The following SPACA4 variants were observed in gnomAD, a reference collection of about 807,000 sequenced individuals.
The protein encoded by SPACA4 is sperm acrosome membrane-associated protein 4.
For synonymous variants in SPACA4, 63 were observed against 77.5 expected, an observed-to-expected ratio of 0.81 and a Z score of 0.98; for missense variants, 130 against 169.4, an observed-to-expected ratio of 0.77 and a Z score of 1.29.
At position 48,607,679 on chromosome 19, in the gene SPACA4, T is replaced by G; in HGVS notation, c.*326T>G. 1 of 298,574 alleles carries G rather than the reference T, an allele frequency of 3.3e-6. No individual in the cohort carries two copies. The highest frequency in any genetic ancestry group is 1.2e-4 in the South Asian group (1 of 8,622). The allele number at this position is 298,574 out of a possible 1,614,324, so 18.5% of individuals were successfully genotyped here. On this transcript the variant is annotated 3_prime_UTR_variant, in exon 1 of 1. Coordinates refer to ENST00000321762, the MANE Select transcript of SPACA4 (RefSeq NM_133498.3). ...TCCATGAAATATGGTAAAAAATATA[T>G]ATATATCATAATAAATGACAGCTGA...
In SPACA4 at chr19:48,607,665, T is replaced by G; in HGVS notation, c.*312T>G. 2.7e-6 allele frequency: 1 copy of G among 364,150 alleles called. No homozygotes were observed. Among genetic ancestry groups the G allele is most frequent in the Non-Finnish European group, 5.1e-6 (1 of 194,988 alleles). 22.6% of individuals were successfully genotyped at this position (364,150 alleles called of 1,614,324 possible). Reference sequence around the variant, plus strand: ...GTAGCACTTTAGAGTCCATGAAATATGGTAAAAAATATATATATATCATAA... The same window carrying G: ...GTAGCACTTTAGAGTCCATGAAATAGGGTAAAAAATATATATATATCATAA... On this transcript the variant is annotated 3_prime_UTR_variant, in exon 1 of 1. Transcript: ENST00000321762.
chr19:48,607,359 A>G lies in SPACA4; in HGVS notation c.*6A>G. On this transcript the variant is annotated 3_prime_UTR_variant, in exon 1 of 1. Coordinates refer to ENST00000321762, the MANE Select transcript of SPACA4 (RefSeq NM_133498.3). ...TTCCTCCACGTTTGCTGTGACCAAC[A>G]GGGAGGACAGGGCCTGGGACTGTTC... 1 of 1,576,320 alleles carries G rather than the reference A, an allele frequency of 6.3e-7. No individual in the cohort carries two copies.
In SPACA4 at chr19:48,607,168, G is replaced by C; in HGVS notation, c.190G>C (p.Gly64Arg). 6.2e-7 allele frequency: 1 copy of C among 1,613,020 alleles called. No individual in the cohort carries two copies. Among genetic ancestry groups the C allele is most frequent in the Non-Finnish European group, 8.5e-7 (1 of 1,180,010 alleles). ...APGTGPVINK[G>R]CLRATSCGLE... ...GGGCACTGGTCCGGTCATCAACAAA[G>C]GCTGCCTGCGAGCCACCAGCTGCGG... is the stretch of plus-strand genomic sequence containing the variant. The change falls in exon 1 of 1, where the codon GGC (glycine) becomes CGC (arginine). Residue 64 changes from glycine to arginine, a missense_variant. Coordinates refer to ENST00000321762, the MANE Select transcript of SPACA4 (RefSeq NM_133498.3).
chr19:48,607,470 C>T lies in SPACA4; in HGVS notation c.*117C>T. On this transcript the variant is annotated 3_prime_UTR_variant, in exon 1 of 1. Coordinates refer to ENST00000321762, the MANE Select transcript of SPACA4 (RefSeq NM_133498.3). The stretch of plus-strand genomic sequence containing the variant: ...CCTGGACAACCTCTTGCGGCCCTGG[C>T]TTCATCCCTTCTAAGGCTGTCCACC... 1 of 1,350,266 alleles carries T rather than the reference C, an allele frequency of 7.4e-7. No homozygotes were observed. Among genetic ancestry groups the T allele is most frequent in the Non-Finnish European group, 1.0e-6 (1 of 999,990 alleles). The allele number at this position is 1,350,266 out of a possible 1,614,324, so 83.6% of individuals were successfully genotyped here.
rs981087999 is a variant in SPACA4, at chr19:48,607,587, G to A, written c.*234G>A. Reference sequence around the variant, plus strand: ...TTTGATTGTATTACTCTGTTCCACTGGTTCTAAGACGCAGAGCTTCTCACA... The same window carrying A: ...TTTGATTGTATTACTCTGTTCCACTAGTTCTAAGACGCAGAGCTTCTCACA... On this transcript the variant is annotated 3_prime_UTR_variant, in exon 1 of 1. Coordinates refer to ENST00000321762, the MANE Select transcript of SPACA4 (RefSeq NM_133498.3). 1.6e-5 allele frequency: 9 copies of A among 570,432 alleles called. No individual in the cohort carries two copies. The highest frequency in any genetic ancestry group is 1.5e-4 in the African/African-American group (8 of 53,532). The allele number at this position is 570,432 out of a possible 1,614,324, so 35.3% of individuals were successfully genotyped here. A position where few individuals can be genotyped will look rare whatever the true frequency, so the allele number is the denominator to read the frequency against.
chr19:48,607,324 G>C lies in SPACA4; in HGVS notation c.346G>C (p.Gly116Arg). Residue 116 changes from glycine (G) to arginine (R), a missense_variant, in exon 1 of 1, where the codon GGT (glycine) becomes CGT (arginine). By Grantham distance (125) the Gly-to-Arg change is moderately radical. Coordinates refer to ENST00000321762, the MANE Select transcript of SPACA4 (RefSeq NM_133498.3). ...CACCACCAGCCTGGCACTGGGGCTG[G>C]GTATGCTGCTTCCTCCACGTTTGCT... is the stretch of plus-strand genomic sequence containing the variant. ...GATTSLALGL[G>R]MLLPPRLL The C allele has an allele frequency of 1.9e-6, 3 of 1,595,120 alleles. No individual in the cohort carries two copies. Among genetic ancestry groups the C allele is most frequent in the Non-Finnish European group, 2.6e-6 (3 of 1,170,348 alleles).
Position 48,607,029 on chromosome 19 carries a change from G to C in SPACA4, c.51G>C (p.Thr17=), listed in dbSNP as rs1568419730. The C allele has an allele frequency of 1.9e-6, 3 of 1,611,738 alleles. No individual in the cohort carries two copies. The highest frequency in any genetic ancestry group is 1.1e-5 in the South Asian group (1 of 91,086). The stretch of plus-strand genomic sequence containing the variant: ...TGGTGATGGCTCTGCCCCCAGGCAC[G>C]ACGGGCGTCAAGGACTGCGTCTTCT... ...LLLVMALPPG[T]TGVKDCVFCE... The change falls in exon 1 of 1, where the codon ACG becomes ACC. Residue 17 remains threonine (T), a synonymous_variant. Coordinates refer to ENST00000321762, the MANE Select transcript of SPACA4 (RefSeq NM_133498.3).
At position 48,607,384 on chromosome 19, in the gene SPACA4, C is replaced by A; in HGVS notation, c.*31C>A. 1 of 1,539,318 alleles carries A rather than the reference C, an allele frequency of 6.5e-7. No individual in the cohort carries two copies. Among genetic ancestry groups the A allele is most frequent in the African/African-American group, 1.4e-5 (1 of 73,442 alleles). On this transcript the variant is annotated 3_prime_UTR_variant, in exon 1 of 1. Coordinates refer to ENST00000321762, the MANE Select transcript of SPACA4 (RefSeq NM_133498.3). Reference sequence around the variant, plus strand: ...AGGGAGGACAGGGCCTGGGACTGTTCTCCCAGATCCGCCACTCCCCATGTC... The same window carrying A: ...AGGGAGGACAGGGCCTGGGACTGTTATCCCAGATCCGCCACTCCCCATGTC...
Position 48,606,795 on chromosome 19 carries a change from A to T in SPACA4, c.-184A>T, listed in dbSNP as rs944233158. 3.7e-5 allele frequency: 25 copies of T among 679,960 alleles called. No individual in the cohort carries two copies. In the African/African-American group the frequency reaches 4.0e-4, roughly 11 times the overall value. The allele number at this position is 679,960 out of a possible 1,614,324, so 42.1% of individuals were successfully genotyped here. On this transcript the variant is annotated 5_prime_UTR_variant, in exon 1 of 1. Coordinates refer to ENST00000321762, the MANE Select transcript of SPACA4 (RefSeq NM_133498.3). ...CAGCCACCCGCTCACCTCCATCCCC[A>T]GGACTTAGAGGGACGCAGGGCGTTG...
In SPACA4 at chr19:48,606,920, C is replaced by T; in HGVS notation, c.-59C>T. 1 of 1,569,894 alleles carries T rather than the reference C, an allele frequency of 6.4e-7. No individual in the cohort carries two copies. The highest frequency in any genetic ancestry group is 8.6e-7 in the Non-Finnish European group (1 of 1,164,404). On this transcript the variant is annotated 5_prime_UTR_variant, in exon 1 of 1. Transcript: ENST00000321762. ...CTCAGAGGTCCTTCATTCAGCGGTTCCGGGAGGTCTGGGAAGCCCACGGCC... is the reference window on the plus strand; with the variant it reads ...CTCAGAGGTCCTTCATTCAGCGGTTTCGGGAGGTCTGGGAAGCCCACGGCC...
In SPACA4 at chr19:48,606,968, G is replaced by T; in HGVS notation, c.-11G>T. On this transcript the variant is annotated 5_prime_UTR_variant, in exon 1 of 1. Transcript: ENST00000321762. Reference sequence around the variant, plus strand: ...GCCTGGCTGGGGCAGGGTCAACGCCGCCAGGCCGCCATGGTCCTGTGCTGG... The same window carrying T: ...GCCTGGCTGGGGCAGGGTCAACGCCTCCAGGCCGCCATGGTCCTGTGCTGG... 1 of 1,600,766 alleles carries T rather than the reference G, an allele frequency of 6.2e-7. No individual in the cohort carries two copies. Among genetic ancestry groups the T allele is most frequent in the Non-Finnish European group, 8.5e-7 (1 of 1,177,872 alleles).
At position 48,607,130 on chromosome 19, in the gene SPACA4, A is replaced by C; in HGVS notation, c.152A>C (p.His51Pro). The change falls in exon 1 of 1, where the codon CAC becomes CCC. Residue 51 changes from histidine (H) to proline (P), a missense_variant. By Grantham distance (77) the His-to-Pro change is moderately conservative. Coordinates refer to ENST00000321762, the MANE Select transcript of SPACA4 (RefSeq NM_133498.3). ...CGDDEDCFTG[H>P]GVAPGTGPVI... is the part of the protein sequence containing the mutation. Reference sequence around the variant, plus strand: ...GATGACGAGGACTGCTTCACAGGCCACGGGGTCGCCCCGGGCACTGGTCCG... The same window carrying C: ...GATGACGAGGACTGCTTCACAGGCCCCGGGGTCGCCCCGGGCACTGGTCCG... The C allele has an allele frequency of 1.2e-6, 2 of 1,612,960 alleles. No individual in the cohort carries two copies. The highest frequency in any genetic ancestry group is 1.7e-6 in the Non-Finnish European group (2 of 1,179,990).
Position 48,606,884 on chromosome 19 carries a change from C to G in SPACA4, c.-95C>G, listed in dbSNP as rs1407684963. 6.8e-7 allele frequency: 1 copy of G among 1,460,708 alleles called. No individual in the cohort carries two copies. The highest frequency in any genetic ancestry group is 1.4e-5 in the African/African-American group (1 of 70,972). 90.5% of individuals were successfully genotyped at this position (1,460,708 alleles called of 1,614,324 possible). On this transcript the variant is annotated 5_prime_UTR_variant, in exon 1 of 1. Transcript: ENST00000321762. ...AGGACCAGGGCCAAAGTCCCGTGGG[C>G]AAGAGGAGTCCTCAGAGGTCCTTCA... is the stretch of plus-strand genomic sequence containing the variant.
In SPACA4 at chr19:48,607,143, G is replaced by A. The variant is rs201868880; in HGVS notation, c.165G>A (p.Pro55=). The change falls in exon 1 of 1, where the codon CCG becomes CCA. Residue 55 remains proline (P), a synonymous_variant. Coordinates refer to ENST00000321762, the MANE Select transcript of SPACA4 (RefSeq NM_133498.3). ...GCTTCACAGGCCACGGGGTCGCCCC[G>A]GGCACTGGTCCGGTCATCAACAAAG... is the stretch of plus-strand genomic sequence containing the variant. ...EDCFTGHGVA[P]GTGPVINKGC... is the part of the protein sequence containing the mutation. The A allele has an allele frequency of 3.2e-5, 51 of 1,612,754 alleles. No individual in the cohort carries two copies. Among genetic ancestry groups the A allele is most frequent in the Middle Eastern group, 1.6e-4 (1 of 6,084 alleles).
chr19:48,607,616 C>A lies in SPACA4; in HGVS notation c.*263C>A. On this transcript the variant is annotated 3_prime_UTR_variant, in exon 1 of 1. Transcript: ENST00000321762. ...CTAAGACGCAGAGCTTCTCACATCTCAATCAGGATGCTTCTCTCCATTGGT... is the reference window on the plus strand; with the variant it reads ...CTAAGACGCAGAGCTTCTCACATCTAAATCAGGATGCTTCTCTCCATTGGT... 2.0e-6 allele frequency: 1 copy of A among 499,812 alleles called. No individual in the cohort carries two copies. Among genetic ancestry groups the A allele is most frequent in the Non-Finnish European group, 3.7e-6 (1 of 273,570 alleles). The allele number at this position is 499,812 out of a possible 1,614,324, so 31.0% of individuals were successfully genotyped here.
chr19:48,607,205 C>T lies in SPACA4; in HGVS notation c.227C>T (p.Pro76Leu), dbSNP rs1601127126. 6.2e-7 allele frequency: 1 copy of T among 1,613,316 alleles called. No individual in the cohort carries two copies. The highest frequency in any genetic ancestry group is 8.5e-7 in the Non-Finnish European group (1 of 1,179,944). The stretch of plus-strand genomic sequence containing the variant: ...GCCACCAGCTGCGGCCTTGAGGAAC[C>T]CGTCAGCTACAGGGGCGTCACCTAC... ...LRATSCGLEE[P>L]VSYRGVTYSL... The change falls in exon 1 of 1, where the codon CCC becomes CTC. Residue 76 changes from proline to leucine, a missense_variant. Physicochemically the swap from Pro to Leu is moderately conservative, Grantham distance 98. Coordinates refer to ENST00000321762, the MANE Select transcript of SPACA4 (RefSeq NM_133498.3).
chr19:48,607,280 G>A lies in SPACA4; in HGVS notation c.302G>A (p.Ser101Asn). The A allele has an allele frequency of 6.2e-7, 1 of 1,601,794 alleles. No individual in the cohort carries two copies. The change falls in exon 1 of 1, where the codon AGC becomes AAC. Residue 101 changes from serine (S) to asparagine (N), a missense_variant. Physicochemically the swap from Ser to Asn is conservative, Grantham distance 46. Transcript: ENST00000321762. ...GGCCGCCTGTGTAACAGAGCCCCGA[G>A]CAGCCAGACAGTGGGGGCCACCACC... ...CTGRLCNRAP[S>N]SQTVGATTSL...
In SPACA4 at chr19:48,606,955, C is replaced by A; in HGVS notation, c.-24C>A. Reference sequence around the variant, plus strand: ...TGGGAAGCCCACGGCCTGGCTGGGGCAGGGTCAACGCCGCCAGGCCGCCAT... The same window carrying A: ...TGGGAAGCCCACGGCCTGGCTGGGGAAGGGTCAACGCCGCCAGGCCGCCAT... On this transcript the variant is annotated 5_prime_UTR_variant, in exon 1 of 1. Transcript: ENST00000321762. The A allele has an allele frequency of 6.3e-7, 1 of 1,596,818 alleles. No homozygotes were observed. The highest frequency in any genetic ancestry group is 8.5e-7 in the Non-Finnish European group (1 of 1,176,214).
At position 48,607,114 on chromosome 19, in the gene SPACA4, G is replaced by A; in HGVS notation, c.136G>A (p.Asp46Asn). Residue 46 changes from aspartate (D) to asparagine (N), a missense_variant, in exon 1 of 1, where the codon GAC becomes AAC. Physicochemically the swap from Asp to Asn is conservative, Grantham distance 23 (BLOSUM62 1). Transcript: ENST00000321762. ...CTACATGCACTGTGGCGATGACGAG[G>A]ACTGCTTCACAGGCCACGGGGTCGC... The part of the protein sequence containing the change: ...GTYMHCGDDE[D>N]CFTGHGVAPG... The A allele has an allele frequency of 3.7e-6, 6 of 1,613,130 alleles. No homozygotes were observed. The highest frequency in any genetic ancestry group is 4.2e-6 in the Non-Finnish European group (5 of 1,180,000).
Sources: allele counts gnomAD v4.1 joint callset, GRCh38; gene constraint gnomAD v4.1.1; transcripts MANE v1.5; gene names NCBI Gene and HGNC (gene_info 2026-07-23, HGNC 2026-07-21).